CACNB2: variants seen among roughly 807,000 people sequenced by gnomAD.
The protein encoded by CACNB2 is calcium voltage-gated channel auxiliary subunit beta 2.
Under a neutral mutation model 73.3 loss-of-function variants are expected in CACNB2, and 42 were observed. That is an observed-to-expected ratio of 0.57 (90% CI 0.45 to 0.74). CACNB2 has a LOEUF of 0.74. CACNB2 is among the 30% of genes least tolerant of loss of function. The pLI is 0.00. For missense variants in CACNB2, 940 were observed against 853.0 expected (o/e 1.10, Z -1.27); for synonymous variants, 348 against 310.3 (o/e 1.12, Z -1.28).
intron 3 of CACNB2, among the ~76,000 whole-genome samples, chr10:18,475,345 A>C (rs138994102): frequency 6.9e-4 from 105 of 152,230 alleles, no homozygotes; most frequent in African/African-American, 2.3e-3. Flanking sequence ...AAGTTCAAAC[A>C]CTTTAATATT....
intron 2 of CACNB2, among the ~76,000 whole-genome samples, chr10:18,158,494 C>T (rs1241125339): frequency 4.6e-5 from 7 of 151,994 alleles, no homozygotes; most frequent in African/African-American, 1.4e-4. Flanking sequence ...CTTCAATTCC[C>T]GTAGAAACTC....
At chr10:18,177,973 T>G (rs1246135609) in intron 2 of CACNB2, among the ~76,000 whole-genome samples, 3 of 152,176 alleles carry the variant, frequency 2.0e-5, no homozygotes, top group Non-Finnish European at 4.4e-5. Flanking sequence ...ATCATATGCA[T>G]TTTGCAGCTA....
chr10:18,226,690 G>T (rs2036006197), intron 2 of CACNB2, among the ~76,000 whole-genome samples: 1 of 152,122 alleles, frequency 6.6e-6, no homozygotes, highest in South Asian at 2.1e-4. Context: ...TCTTACATTT[G>T]TATACTGTTT....
rs534951081 is a variant in CACNB2 at position 18,198,830 on chromosome 10, C to T, written c.213+47855C>T. Among the ~76,000 whole-genome samples, 56 of 152,300 alleles carry T rather than the reference C, an allele frequency of 3.7e-4. 1 individual carries two copies. Among genetic ancestry groups the T allele is most frequent in the African/African-American group, 1.0e-3 (42 of 41,552 alleles). ...AAGATCCACCTTCCATTCTCCCTGA[C>T]GCATTGCATGACCACTCTAGTTTGA... On this transcript the variant is annotated intron_variant, in intron 2 of 13. Coordinates refer to ENST00000324631, the MANE Select transcript of CACNB2 (RefSeq NM_201596.3).
intron 2 of CACNB2, among the ~76,000 whole-genome samples, chr10:18,259,553 CA>C (rs1396468722): frequency 1.6e-5 from 1 of 63,164 alleles, no homozygotes; most frequent in African/African-American, 7.6e-5. Context: ...GAAAAAAAAA[CA>C]AAAAACAAAC....
Position 18,174,336 on chromosome 10 carries a change from C to A in CACNB2, c.213+23361C>A, listed in dbSNP as rs565353191. 1.7e-3 allele frequency among the ~76,000 whole-genome samples: 207 copies of A among 120,940 alleles called. 2 individuals carry two copies. The highest frequency in any genetic ancestry group is 6.2e-3 in the African/African-American group (202 of 32,574). 79.3% of individuals were successfully genotyped at this position (120,940 alleles called of 152,430 possible). ...CCCTCCCTCCCCCCTCTTTTCTTTT[C>A]TTTCTTTCTTTTTTTCCTTCCTTCC... On this transcript the variant is annotated intron_variant, in intron 2 of 13. Coordinates refer to ENST00000324631, the MANE Select transcript of CACNB2 (RefSeq NM_201596.3).
chr10:18,366,552 A>G (rs1564473304), intron 2 of CACNB2, among the ~76,000 whole-genome samples: 1 of 150,512 alleles, frequency 6.6e-6, no homozygotes, highest in Non-Finnish European at 1.5e-5. Flanking sequence ...TCCATCGAAG[A>G]CTGATTTTGG....
At chr10:18,367,341 A>G (rs2042398806) in intron 2 of CACNB2, among the ~76,000 whole-genome samples, 1 of 152,134 alleles carries the variant, frequency 6.6e-6, no homozygotes, top group African/African-American at 2.4e-5. Flanking sequence ...CTTGGATTTT[A>G]AATAGTTTTC....
chr10:18,180,625 A>G (rs369582639), intron 2 of CACNB2, among the ~76,000 whole-genome samples: 1 of 152,122 alleles, frequency 6.6e-6, no homozygotes, highest in East Asian at 1.9e-4. Context: ...CCACACATCA[A>G]TGTCTGGCAC....
chr10:18,228,433 C>CAAAAAAAAAAAA (rs1164745930), intron 2 of CACNB2, among the ~76,000 whole-genome samples: 648 of 34,484 alleles, frequency 0.019, 59 homozygotes, highest in South Asian at 0.025. Context: ...AACTCTACCT[C>CAAAAAAAAAAAA]AAAAAAAAAA....
intron 2 of CACNB2, among the ~76,000 whole-genome samples, chr10:18,262,454 T>G (rs2037595918): frequency 6.6e-6 from 1 of 152,202 alleles, no homozygotes. Context: ...GTGCCATTTG[T>G]CTTTTGAATG....
At position 18,250,770 on chromosome 10, in the gene CACNB2, T is replaced by C. The variant is rs138926925; in HGVS notation, c.213+99795T>C. Among the ~76,000 whole-genome samples, 370 of 152,348 alleles carry C rather than the reference T, an allele frequency of 2.4e-3. 1 individual carries two copies. The highest frequency in any genetic ancestry group is 4.5e-3 in the Admixed American group (69 of 15,310). Reference sequence around the variant, plus strand: ...TTCCGTTTCCCCATCTCTACTTTCTTAAGCCCTCATCCAGTTATCCAATAC... The same window carrying C: ...TTCCGTTTCCCCATCTCTACTTTCTCAAGCCCTCATCCAGTTATCCAATAC... On this transcript the variant is annotated intron_variant, in intron 2 of 13. Coordinates refer to ENST00000324631, the MANE Select transcript of CACNB2 (RefSeq NM_201596.3).
intron 3 of CACNB2, among the ~76,000 whole-genome samples, chr10:18,422,623 GTTAT>G (rs1174804706): frequency 2.0e-5 from 3 of 152,098 alleles, no homozygotes; most frequent in Non-Finnish European, 2.9e-5. Context: ...AGCATATTGG[GTTAT>G]TTGTTTCTCT....
intron 2 of CACNB2, among the ~76,000 whole-genome samples, chr10:18,268,275 A>C (rs2037899969): frequency 6.6e-6 from 1 of 152,246 alleles, no homozygotes; most frequent in Non-Finnish European, 1.5e-5. Flanking sequence ...TTAGAAATGT[A>C]CAGAGGAATT....
At chr10:18,344,102 G>C (rs992388817) in intron 2 of CACNB2, among the ~76,000 whole-genome samples, 2 of 150,514 alleles carry the variant, frequency 1.3e-5, no homozygotes, top group African/African-American at 4.9e-5. Flanking sequence ...GCATGTGACT[G>C]TGTATTCCTG....
chr10:18,207,230 A>G (rs2035132445), intron 2 of CACNB2, among the ~76,000 whole-genome samples: 1 of 152,126 alleles, frequency 6.6e-6, no homozygotes. Flanking sequence ...GCTGGTCTTG[A>G]ACTCTTGACC....
At position 18,355,265 on chromosome 10, in the gene CACNB2, C is replaced by T. The variant is rs563922742; in HGVS notation, c.214-46659C>T. On this transcript the variant is annotated intron_variant, in intron 2 of 13. Transcript: ENST00000324631. The stretch of plus-strand genomic sequence containing the variant: ...TATCATTTCTTGTTATTTGAGCTTT[C>T]TAGATTTTGGAGTTCTGGATGAGAA... Among the ~76,000 whole-genome samples the T allele has an allele frequency of 2.0e-5, 3 of 152,274 alleles. No homozygotes were observed. The South Asian group carries it at 6.2e-4, about 32-fold the overall frequency.
chr10:18,415,932 A>AT lies in CACNB2; in HGVS notation c.333+13899dup, dbSNP rs372551550. 5.3e-3 allele frequency among the ~76,000 whole-genome samples: 794 copies of AT among 149,766 alleles called. 5 individuals are homozygous for AT. Among genetic ancestry groups the AT allele is most frequent in the Non-Finnish European group, 8.4e-3 (562 of 67,220 alleles). On this transcript the variant is annotated intron_variant, in intron 3 of 13. Coordinates refer to ENST00000324631, the MANE Select transcript of CACNB2 (RefSeq NM_201596.3). ...AGCCCCAGACAACTACCATGCTACA[A>AT]TTTTTTTTTTATTTGCTCAAATTTA...
At chr10:18,450,626 C>CTTTT (rs34566433) in intron 3 of CACNB2, among the ~76,000 whole-genome samples, 8 of 130,946 alleles carry the variant, frequency 6.1e-5, no homozygotes, top group African/African-American at 2.3e-4. Context: ...GCTTTTTTTT[C>CTTTT]TTTTTTTTTT....
Sources: allele counts gnomAD v4.1 joint callset (sites outside exome capture counted in the v4.1 genomes callset), GRCh38; gene constraint gnomAD v4.1.1; transcripts MANE v1.5; gene names NCBI Gene and HGNC (gene_info 2026-07-23, HGNC 2026-07-21).